The following MEI4 variants were observed in gnomAD, a reference collection of about 807,000 sequenced individuals.
The protein encoded by MEI4 is meiosis-specific protein MEI4.
A neutral mutation model predicts 31.4 loss-of-function variants in MEI4; 27 were observed. The observed-to-expected ratio is 0.86, with a 90% CI of 0.63 to 1.19. The LOEUF is 1.19. Among genes scored for constraint, MEI4 ranks in the 50% most tolerant of loss-of-function variants. MEI4 has a pLI of 0.00. For synonymous variants in MEI4, 122 were observed against 145.4 expected (o/e 0.84, Z 1.16); for missense variants, 329 against 398.9 (o/e 0.82, Z 1.49).
At chr6:77,824,344 A>G (rs1769895490) in intron 3 of MEI4, among the ~76,000 whole-genome samples, 1 of 152,146 alleles carries the variant, frequency 6.6e-6, no homozygotes, top group Non-Finnish European at 1.5e-5. Flanking sequence ...CAGGTGATCC[A>G]TCTGCCTGGC....
At chr6:77,877,973 T>C (rs536241580) in intron 4 of MEI4, among the ~76,000 whole-genome samples, 4 of 152,188 alleles carry the variant, frequency 2.6e-5, no homozygotes, top group African/African-American at 9.6e-5. Context: ...TTGAACCTGA[T>C]GAAAATAGAT....
chr6:77,781,749 G>T (rs1768602347), intron 3 of MEI4, among the ~76,000 whole-genome samples: 1 of 152,056 alleles, frequency 6.6e-6, no homozygotes, highest in South Asian at 2.1e-4. Flanking sequence ...GCATAAAGAG[G>T]CCCAGACAGG....
At chr6:77,824,603 A>G (rs1023090798) in intron 3 of MEI4, among the ~76,000 whole-genome samples, 9 of 151,738 alleles carry the variant, frequency 5.9e-5, no homozygotes, top group Admixed American at 1.3e-4. Flanking sequence ...TTTATCCTGT[A>G]AGTTCTTTAT....
intron 3 of MEI4, among the ~76,000 whole-genome samples, chr6:77,785,240 C>T (rs1364627858): frequency 6.6e-6 from 1 of 152,048 alleles, no homozygotes; most frequent in Non-Finnish European, 1.5e-5. Context: ...AAACTTTATG[C>T]AAATACTATT....
At chr6:77,701,707 A>T (rs1218724557) in intron 2 of MEI4, among the ~76,000 whole-genome samples, 1 of 152,134 alleles carries the variant, frequency 6.6e-6, no homozygotes, top group Non-Finnish European at 1.5e-5. Context: ...AAGGATGAGC[A>T]GTTGGCCAGA....
chr6:77,789,136 C>G (rs540527103), intron 3 of MEI4, among the ~76,000 whole-genome samples: 36 of 152,186 alleles, frequency 2.4e-4, no homozygotes, highest in Middle Eastern at 3.4e-3. Flanking sequence ...ACAAACCTGA[C>G]AAAAATGAGC....
At chr6:77,897,258 C>T (rs1036987131) in intron 4 of MEI4, among the ~76,000 whole-genome samples, 7 of 151,938 alleles carry the variant, frequency 4.6e-5, no homozygotes, top group African/African-American at 1.7e-4. Flanking sequence ...AAGATCTCAA[C>T]CAACAAGGGC....
intron 4 of MEI4, among the ~76,000 whole-genome samples, chr6:77,908,689 G>A (rs4706663): frequency 0.092 from 14,006 of 151,974 alleles, 942 homozygotes; most frequent in East Asian, 0.31. Context: ...AAAAAGGCAG[G>A]GGTTGCAATC....
intron 3 of MEI4, among the ~76,000 whole-genome samples, chr6:77,777,158 C>A (rs2127688828): frequency 6.6e-6 from 1 of 152,218 alleles, no homozygotes; most frequent in East Asian, 1.9e-4. Flanking sequence ...AAGGCACAAA[C>A]ATATGGAGAA....
At chr6:77,739,088 G>T (rs1021130539) in intron 2 of MEI4, among the ~76,000 whole-genome samples, 4 of 152,132 alleles carry the variant, frequency 2.6e-5, no homozygotes, top group Non-Finnish European at 5.9e-5. Context: ...AGTTTAATTA[G>T]ATCCCATTCA....
intron 4 of MEI4, among the ~76,000 whole-genome samples, chr6:77,866,759 G>A (rs1288160246): frequency 6.6e-6 from 1 of 152,168 alleles, no homozygotes; most frequent in Non-Finnish European, 1.5e-5. Flanking sequence ...AGCCCACATT[G>A]CCAAGTCAAT....
chr6:77,801,294 T>C (rs559597997), intron 3 of MEI4, among the ~76,000 whole-genome samples: 1 of 152,316 alleles, frequency 6.6e-6, no homozygotes, highest in East Asian at 1.9e-4. Context: ...GTGTTTATAG[T>C]TTTCTCTGAT....
At chr6:77,838,857 C>T (rs867700964) in intron 4 of MEI4, among the ~76,000 whole-genome samples, 33 of 151,538 alleles carry the variant, frequency 2.2e-4, no homozygotes, top group Middle Eastern at 3.4e-3. Context: ...GAACTGAGAT[C>T]GTGCCATTGC....
intron 1 of MEI4, among the ~76,000 whole-genome samples, chr6:77,668,914 A>C (rs567018088): frequency 6.6e-6 from 1 of 152,314 alleles, no homozygotes; most frequent in Admixed American, 6.5e-5. Flanking sequence ...TGATCATTCA[A>C]GTCCATTCCT....
chr6:77,663,060 G>A (rs1227531953), intron 1 of MEI4, among the ~76,000 whole-genome samples: 5,852 of 124,890 alleles, frequency 0.047, no homozygotes, highest in African/African-American at 0.11. Context: ...AGAATAATGG[G>A]TTATAGAGGC....
intron 3 of MEI4, among the ~76,000 whole-genome samples, chr6:77,786,073 C>T (rs982417015): frequency 6.6e-6 from 1 of 151,900 alleles, no homozygotes; most frequent in Non-Finnish European, 1.5e-5. Context: ...ATCCACTATT[C>T]CTGTTTAAAA....
intron 3 of MEI4, among the ~76,000 whole-genome samples, chr6:77,818,206 A>G (rs1215544198): frequency 6.6e-6 from 1 of 152,172 alleles, no homozygotes; most frequent in Non-Finnish European, 1.5e-5. Context: ...TTATTTGACA[A>G]TCAGTGTTTA....
Position 77,752,418 on chromosome 6 carries a change from A to T in MEI4, c.233-8712A>T, listed in dbSNP as rs567503388. 3.9e-5 allele frequency among the ~76,000 whole-genome samples: 6 copies of T among 152,342 alleles called. No individual in the cohort carries two copies. In the South Asian group the frequency reaches 1.2e-3, roughly 32 times the overall value. ...TGATAAGCAACTTCAGCAAAGTCTC[A>T]GGATACAAAATCAATGTGCAAAAAT... On this transcript the variant is annotated intron_variant, in intron 2 of 4. Coordinates refer to ENST00000684080, the MANE Select transcript of MEI4 (RefSeq NM_001322247.2).
chr6:77,667,012 C>T (rs982934310), intron 1 of MEI4, among the ~76,000 whole-genome samples: 2 of 152,032 alleles, frequency 1.3e-5, no homozygotes, highest in African/African-American at 4.8e-5. Flanking sequence ...ATTTCCTACT[C>T]CCAAGCCCAG....
Sources: allele counts gnomAD v4.1 joint callset (sites outside exome capture counted in the v4.1 genomes callset), GRCh38; gene constraint gnomAD v4.1.1; transcripts MANE v1.5; gene names NCBI Gene and HGNC (gene_info 2026-07-23, HGNC 2026-07-21).